The following RBMS1 variants were observed in gnomAD, a reference collection of about 807,000 sequenced individuals.
RBMS1 encodes the protein RNA-binding motif, single-stranded-interacting protein 1.
RBMS1 carries 17 observed loss-of-function variants against 62.3 expected under a neutral mutation model. That is an observed-to-expected ratio of 0.27 (90% confidence interval 0.19 to 0.41). The LOEUF is 0.41. Among genes scored for constraint, RBMS1 ranks in the 10% least tolerant of loss-of-function variants. The probability of loss-of-function intolerance (pLI) is 1.00; values close to 1 mark genes in which losing one functional copy is unlikely to be tolerated. For synonymous variants in RBMS1, 172 were observed against 170.0 expected (o/e 1.01, Z -0.09); for missense variants, 334 against 504.5 (o/e 0.66, Z 3.24).
chr2:160,360,423 AC>A (rs1366292915), intron 2 of RBMS1, among the ~76,000 whole-genome samples: 1 of 152,154 alleles, frequency 6.6e-6, no homozygotes, highest in Non-Finnish European at 1.5e-5. Flanking sequence ...CCAACAGCTA[AC>A]TTTTTCTCTG....
intron 1 of RBMS1, among the ~76,000 whole-genome samples, chr2:160,492,464 G>C (rs1016079153): frequency 6.6e-6 from 1 of 152,148 alleles, no homozygotes; most frequent in Non-Finnish European, 1.5e-5. Flanking sequence ...GTGTGCCGAG[G>C]TCACTTTTTA....
At chr2:160,459,561 A>G (rs1177275052) in intron 1 of RBMS1, among the ~76,000 whole-genome samples, 6 of 152,154 alleles carry the variant, frequency 3.9e-5, no homozygotes, top group Admixed American at 2.6e-4. Flanking sequence ...TGACCTATTT[A>G]AAAAACGTTT....
chr2:160,449,980 A>C (rs953194062), intron 1 of RBMS1, among the ~76,000 whole-genome samples: 1 of 152,104 alleles, frequency 6.6e-6, no homozygotes, highest in Admixed American at 6.5e-5. Flanking sequence ...TGCTGCCCTC[A>C]GTATGACTTA....
At chr2:160,427,274 T>C (rs1021197427) in intron 1 of RBMS1, among the ~76,000 whole-genome samples, 2 of 152,142 alleles carry the variant, frequency 1.3e-5, no homozygotes, top group African/African-American at 4.8e-5. Flanking sequence ...ATAATAACTA[T>C]CTAAGAGATA....
intron 2 of RBMS1, among the ~76,000 whole-genome samples, chr2:160,353,374 G>A (rs137985395): frequency 1.2e-4 from 19 of 152,190 alleles, no homozygotes; most frequent in African/African-American, 3.1e-4. Flanking sequence ...TCATCCATAG[G>A]TGGCAATCCA....
chr2:160,389,698 C>CA (rs61570926), intron 1 of RBMS1, among the ~76,000 whole-genome samples: 574 of 50,366 alleles, frequency 0.011, 56 homozygotes, highest in Non-Finnish European at 0.013. Flanking sequence ...ACTCTTGTCT[C>CA]AAAAAAAAAA....
chr2:160,434,491 G>GA (rs775251357), intron 1 of RBMS1, among the ~76,000 whole-genome samples: 2,444 of 141,852 alleles, frequency 0.017, 43 homozygotes, highest in African/African-American at 0.031. Flanking sequence ...AGACAGAAAG[G>GA]AAAAAAAAAA....
At chr2:160,439,454 A>G (rs1488174136) in intron 1 of RBMS1, among the ~76,000 whole-genome samples, 1 of 145,224 alleles carries the variant, frequency 6.9e-6, no homozygotes, top group East Asian at 2.1e-4. Context: ...ATCTCAGACG[A>G]TGGGCAGCCG....
At chr2:160,450,317 G>T (rs113678689) in intron 1 of RBMS1, among the ~76,000 whole-genome samples, 2 of 151,896 alleles carry the variant, frequency 1.3e-5, no homozygotes, top group Non-Finnish European at 2.9e-5. Flanking sequence ...GAGGTGGGTG[G>T]ATCACCTGAG....
rs114240451 is a variant in RBMS1, at chr2:160,317,170, A to G, written c.310+999T>C. ...TAAATTTAGGCACTTTGAAGAAGAG[A>G]CAGAAATACAATGAACCACTTCAAG... is the stretch of plus-strand genomic sequence containing the variant. On this transcript the variant is annotated intron_variant, in intron 3 of 13. Coordinates refer to ENST00000348849, the MANE Select transcript of RBMS1 (RefSeq NM_016836.4). 5.7e-3 allele frequency among the ~76,000 whole-genome samples: 874 copies of G among 152,312 alleles called. 10 individuals carry two copies. Among genetic ancestry groups the G allele is most frequent in the African/African-American group, 0.02 (832 of 41,562 alleles).
At chr2:160,364,734 T>C (rs1300438494) in intron 2 of RBMS1, among the ~76,000 whole-genome samples, 1 of 152,238 alleles carries the variant, frequency 6.6e-6, no homozygotes, top group African/African-American at 2.4e-5. Context: ...GCCTTTGGAC[T>C]TCATGCACTG....
chr2:160,281,269 A>G (rs781190412), intron 10 of RBMS1, 45 bp downstream of exon 10: 1 of 1,506,048 alleles, frequency 6.6e-7, no homozygotes, highest in East Asian at 2.3e-5. Context: ...GAATATACAC[A>G]TAACTTACTT....
At chr2:160,370,518 T>C (rs1335333873) in intron 1 of RBMS1, among the ~76,000 whole-genome samples, 2 of 152,192 alleles carry the variant, frequency 1.3e-5, no homozygotes, top group African/African-American at 4.8e-5. Flanking sequence ...CCATACTTAA[T>C]TCAATCAGAC....
At chr2:160,471,385 A>T (rs1042240192) in intron 1 of RBMS1, among the ~76,000 whole-genome samples, 5 of 152,180 alleles carry the variant, frequency 3.3e-5, no homozygotes, top group Non-Finnish European at 5.9e-5. Context: ...AAGTATACAT[A>T]TTAAAACTAG....
Position 160,367,369 on chromosome 2 carries a change from G to A in RBMS1, c.98C>T (p.Pro33Leu), listed in dbSNP as rs1262058426. The change falls in exon 2 of 14, where the codon CCC becomes CTC. Residue 33 changes from proline to leucine, a missense_variant. Transcript: ENST00000348849. The part of the protein sequence containing the change: ...QAKQSLVPAH[P>L]MAPPSPSTTS... Reference sequence around the variant, plus strand: ...GGTGCTGGGACTGGGAGGGGCCATGGGGTGGGCTGGGACCAGAGACTGCTG... The same window carrying A: ...GGTGCTGGGACTGGGAGGGGCCATGAGGTGGGCTGGGACCAGAGACTGCTG... The A allele has an allele frequency of 1.9e-6, 3 of 1,614,050 alleles. No individual in the cohort carries two copies. Among genetic ancestry groups the A allele is most frequent in the Non-Finnish European group, 2.5e-6 (3 of 1,179,970 alleles).
intron 1 of RBMS1, among the ~76,000 whole-genome samples, chr2:160,389,830 T>C (rs1475874823): frequency 6.7e-6 from 1 of 150,222 alleles, no homozygotes; most frequent in South Asian, 2.1e-4. Context: ...CCATCTAAGA[T>C]GTGTCCCCTG....
chr2:160,400,461 C>T (rs1695377078), intron 1 of RBMS1, among the ~76,000 whole-genome samples: 1 of 150,708 alleles, frequency 6.6e-6, no homozygotes, highest in South Asian at 2.1e-4. Context: ...AGGATTCCAA[C>T]ATAGGTAGGA....
chr2:160,369,501 G>C (rs1320487808), intron 1 of RBMS1, among the ~76,000 whole-genome samples: 1 of 152,192 alleles, frequency 6.6e-6, no homozygotes, highest in Non-Finnish European at 1.5e-5. Context: ...GATTGACGCA[G>C]AGAACTTGTA....
chr2:160,449,778 C>T (rs534019033), intron 1 of RBMS1, among the ~76,000 whole-genome samples: 62 of 152,148 alleles, frequency 4.1e-4, no homozygotes, highest in African/African-American at 1.4e-3. Context: ...TGTCCTGTGA[C>T]CCTGCCAAAT....
Sources: allele counts gnomAD v4.1 joint callset (sites outside exome capture counted in the v4.1 genomes callset), GRCh38; gene constraint gnomAD v4.1.1; transcripts MANE v1.5; gene names NCBI Gene and HGNC (gene_info 2026-07-23, HGNC 2026-07-21).